Variants in SYT9 observed in about 807,000 individuals in gnomAD.
SYT9 encodes synaptotagmin 9, also known as synaptotagmin-9.
In SYT9, 22 loss-of-function variants were observed where a neutral mutation model predicts 48.4. The observed-to-expected ratio is 0.45, with a 90% CI of 0.32 to 0.65. The LOEUF is 0.65. SYT9 is among the 30% of genes least tolerant of loss of function. The pLI is 0.03. For missense variants in SYT9, 577 were observed against 622.0 expected, an observed-to-expected ratio of 0.93 and a Z score of 0.77; for synonymous variants, 265 against 245.0, an observed-to-expected ratio of 1.08 and a Z score of -0.76.
At chr11:7,446,214 A>G (rs570130943) in intron 6 of SYT9, among the ~76,000 whole-genome samples, 1 of 152,360 alleles carries the variant, frequency 6.6e-6, no homozygotes, top group South Asian at 2.1e-4. Flanking sequence ...CTGGAATATC[A>G]AGTCTCTATG....
chr11:7,391,381 A>G (rs1370486392), intron 3 of SYT9, among the ~76,000 whole-genome samples: 1 of 152,100 alleles, frequency 6.6e-6, no homozygotes, highest in Non-Finnish European at 1.5e-5. Flanking sequence ...GAAATCATCA[A>G]ACTGCTTTCT....
chr11:7,293,727 G>A lies in SYT9; in HGVS notation c.146-9312G>A, dbSNP rs77584167. Among the ~76,000 whole-genome samples, 1,050 of 152,298 alleles carry A rather than the reference G, an allele frequency of 6.9e-3. 4 individuals are homozygous for A. The highest frequency in any genetic ancestry group is 0.014 in the Middle Eastern group (4 of 294). On this transcript the variant is annotated intron_variant, in intron 1 of 6. Coordinates refer to ENST00000318881, the MANE Select transcript of SYT9 (RefSeq NM_175733.4). ...TGACCCAAGGTCACAAAATATAAAT[G>A]ATGGCAAAGCTGGTCTTAGGTCACT... is the stretch of plus-strand genomic sequence containing the variant.
At chr11:7,369,794 A>AACACACAC (rs58554896) in intron 3 of SYT9, among the ~76,000 whole-genome samples, 6,739 of 143,920 alleles carry the variant, frequency 0.047, 255 homozygotes, top group East Asian at 0.14. Context: ...CACACACACA[A>AACACACAC]ACACACACAC....
At chr11:7,394,631 T>C (rs114333577) in intron 3 of SYT9, among the ~76,000 whole-genome samples, 226 of 152,236 alleles carry the variant, frequency 1.5e-3, no homozygotes, top group African/African-American at 5.1e-3. Context: ...GAACAAACTT[T>C]TCATTTCATT....
intron 1 of SYT9, among the ~76,000 whole-genome samples, chr11:7,254,609 C>A (rs10743012): frequency 0.52 from 79,627 of 151,904 alleles, 21,056 homozygotes; most frequent in Admixed American, 0.56. Flanking sequence ...AACAACCATG[C>A]ACAGCAGCCC....
intron 1 of SYT9, among the ~76,000 whole-genome samples, chr11:7,274,062 TA>T (rs1422445951): frequency 6.6e-6 from 1 of 152,174 alleles, no homozygotes; most frequent in Non-Finnish European, 1.5e-5. Flanking sequence ...GAACTTAAAG[TA>T]AAACAAACAA....
chr11:7,448,925 C>G (rs1847988705), intron 6 of SYT9, among the ~76,000 whole-genome samples: 1 of 152,108 alleles, frequency 6.6e-6, no homozygotes, highest in African/African-American at 2.4e-5. Context: ...GAAAGGAAAA[C>G]TGGGAGCAGC....
At chr11:7,333,924 C>T (rs1293170944) in intron 3 of SYT9, among the ~76,000 whole-genome samples, 1 of 152,192 alleles carries the variant, frequency 6.6e-6, no homozygotes, top group African/African-American at 2.4e-5. Flanking sequence ...TGAAACATAA[C>T]ATTGCACAGA....
At chr11:7,369,153 T>C (rs925665780) in intron 3 of SYT9, among the ~76,000 whole-genome samples, 48 of 152,222 alleles carry the variant, frequency 3.2e-4, no homozygotes, top group African/African-American at 1.0e-3. Context: ...TGTTGTTTCC[T>C]GACTTTTTAA....
At chr11:7,278,201 C>T (rs1406476100) in intron 1 of SYT9, among the ~76,000 whole-genome samples, 1 of 152,098 alleles carries the variant, frequency 6.6e-6, no homozygotes, top group Non-Finnish European at 1.5e-5. Context: ...TAGCTCAGGC[C>T]TCTCTTCTTC....
intron 1 of SYT9, among the ~76,000 whole-genome samples, chr11:7,239,460 C>T (rs6578839): frequency 0.12 from 17,850 of 152,112 alleles, 3,069 homozygotes; most frequent in African/African-American, 0.38. Context: ...TGCTCCATCC[C>T]AAACCTAACA....
At chr11:7,274,204 C>T (rs1389408944) in intron 1 of SYT9, among the ~76,000 whole-genome samples, 1 of 152,142 alleles carries the variant, frequency 6.6e-6, no homozygotes, top group African/African-American at 2.4e-5. Flanking sequence ...TCTTTTCCTT[C>T]CAGTGGAGCC....
At chr11:7,323,431 T>A (rs184974478) in intron 3 of SYT9, among the ~76,000 whole-genome samples, 1 of 152,232 alleles carries the variant, frequency 6.6e-6, no homozygotes, top group African/African-American at 2.4e-5. Flanking sequence ...CTTTCTTTTT[T>A]AATTATTTTG....
At chr11:7,430,562 A>G (rs1204305115) in intron 6 of SYT9, among the ~76,000 whole-genome samples, 1 of 152,204 alleles carries the variant, frequency 6.6e-6, no homozygotes, top group Non-Finnish European at 1.5e-5. Context: ...AAACCAATTA[A>G]TATGGTTTAA....
chr11:7,410,449 C>G (rs117674102), intron 3 of SYT9, among the ~76,000 whole-genome samples: 1 of 152,058 alleles, frequency 6.6e-6, no homozygotes, highest in African/African-American at 2.4e-5. Context: ...TTGAATTTCC[C>G]CAATATTATT....
intron 3 of SYT9, among the ~76,000 whole-genome samples, chr11:7,395,199 G>A (rs1846727558): frequency 6.6e-6 from 1 of 151,728 alleles, no homozygotes; most frequent in Admixed American, 6.6e-5. Context: ...ATTCCACTGT[G>A]GTCTGAAAAA....
intron 6 of SYT9, among the ~76,000 whole-genome samples, chr11:7,445,997 CA>C (rs1341502774): frequency 6.6e-6 from 1 of 152,236 alleles, no homozygotes; most frequent in African/African-American, 2.4e-5. Context: ...TTGTAGCTGG[CA>C]TAGAACTGGT....
At chr11:7,442,996 G>A (rs1282800726) in intron 6 of SYT9, among the ~76,000 whole-genome samples, 1 of 151,978 alleles carries the variant, frequency 6.6e-6, no homozygotes, top group Non-Finnish European at 1.5e-5. Flanking sequence ...CAGAGAGAGA[G>A]AGAGATAATG....
intron 3 of SYT9, among the ~76,000 whole-genome samples, chr11:7,337,828 AT>A (rs1344387497): frequency 1.3e-5 from 2 of 151,470 alleles, no homozygotes; most frequent in African/African-American, 2.4e-5. Flanking sequence ...AGGTTTTCTT[AT>A]TTTGTGTGTC....
Sources: allele counts gnomAD v4.1 joint callset (sites outside exome capture counted in the v4.1 genomes callset), GRCh38; gene constraint gnomAD v4.1.1; transcripts MANE v1.5; gene names NCBI Gene and HGNC (gene_info 2026-07-23, HGNC 2026-07-21).